The following ABL1 variants were observed in gnomAD, a reference collection of about 807,000 sequenced individuals.
The protein encoded by ABL1 is ABL proto-oncogene 1, non-receptor tyrosine kinase.
In ABL1, 11 loss-of-function variants were observed where a neutral mutation model predicts 94.7. The ratio of observed to expected loss-of-function variants is 0.12; its 90% CI spans 0.07 to 0.19. ABL1 has a LOEUF of 0.19. ABL1 is among the 10% of genes least tolerant of loss of function. The pLI is 1.00. For synonymous variants in ABL1, 656 were observed against 622.4 expected, an observed-to-expected ratio of 1.05 and a Z score of -0.80; for missense variants, 1,082 against 1,489.4, an observed-to-expected ratio of 0.73 and a Z score of 4.50.
At chr9:130,854,476 C>A (rs888113693) in intron 2 of ABL1, among the ~76,000 whole-genome samples, 6 of 152,094 alleles carry the variant, frequency 3.9e-5, no homozygotes, top group African/African-American at 1.4e-4. Flanking sequence ...GACAGCTGGA[C>A]AAAATACTGA....
At chr9:130,858,579 G>GT in intron 3 of ABL1, among the ~76,000 whole-genome samples, 1 of 152,280 alleles carries the variant, frequency 6.6e-6, no homozygotes, top group Non-Finnish European at 1.5e-5. Flanking sequence ...GGTGTATTGG[G>GT]TGGGATCGTA....
chr9:130,766,655 T>C (rs910319406), intron 1 of ABL1, among the ~76,000 whole-genome samples: 1 of 152,140 alleles, frequency 6.6e-6, no homozygotes, highest in African/African-American at 2.4e-5. Flanking sequence ...ACCCTCTAGC[T>C]TTCATCCTTG....
intron 1 of ABL1, among the ~76,000 whole-genome samples, chr9:130,730,167 C>T (rs544692905): frequency 6.6e-6 from 1 of 151,920 alleles, no homozygotes; most frequent in Non-Finnish European, 1.5e-5. Context: ...CCTCAGCCTC[C>T]CGAGTAGCTG....
chr9:130,763,252 G>A lies in ABL1; in HGVS notation c.136+48797G>A, dbSNP rs995794949. Among the ~76,000 whole-genome samples, 6 of 151,070 alleles carry A rather than the reference G, an allele frequency of 4.0e-5. No homozygotes were observed. In the South Asian group the frequency reaches 1.3e-3, roughly 31 times the overall value. ...TGACCCCATAATACATGTTAATTGT[G>A]GAAAAAAATTTAAATTTAGCAAAGT... On this transcript the variant is annotated intron_variant, in intron 1 of 10. Transcript: ENST00000372348.
chr9:130,724,825 A>T, intron 1 of ABL1: 2 of 483,774 alleles, frequency 4.1e-6, no homozygotes, highest in East Asian at 5.7e-5. Flanking sequence ...TTTTGGGTTT[A>T]GGTGTTGTTC....
chr9:130,814,629 G>A lies in ABL1; in HGVS notation c.137-39435G>A, dbSNP rs1014902050. 6.6e-5 allele frequency among the ~76,000 whole-genome samples: 10 copies of A among 152,252 alleles called. No individual in the cohort carries two copies. The highest frequency in any genetic ancestry group is 1.5e-5 in the Non-Finnish European group (1 of 68,042). Reference sequence around the variant, plus strand: ...GCAGTGGCTTACGCCTGTAATCCCAGCACTTTGGTAGGCCGAGGTGGGCGG... The same window carrying A: ...GCAGTGGCTTACGCCTGTAATCCCAACACTTTGGTAGGCCGAGGTGGGCGG... On this transcript the variant is annotated intron_variant, in intron 1 of 10. Transcript: ENST00000372348. The surrounding 1 kb of genome is among the most constrained non-coding windows in gnomAD (Gnocchi z 4.4).
Position 130,817,685 on chromosome 9 carries a change from T to A in ABL1, c.137-36379T>A, listed in dbSNP as rs368884376. ...TAAAAAATGGCCTTGCTGAGGAAAT[T>A]AAATTTATGTTCAAGTGCTTTTTCT... is the stretch of plus-strand genomic sequence containing the variant. On this transcript the variant is annotated intron_variant, in intron 1 of 10. Coordinates refer to the ABL1 transcript ENST00000372348. Among the ~76,000 whole-genome samples, 45 of 152,310 alleles carry A rather than the reference T, an allele frequency of 3.0e-4. 2 individuals carry two copies. Among genetic ancestry groups the A allele is most frequent in the African/African-American group, 1.1e-3 (44 of 41,576 alleles).
At chr9:130,800,220 G>C (rs1830037320) in intron 1 of ABL1, among the ~76,000 whole-genome samples, 1 of 151,750 alleles carries the variant, frequency 6.6e-6, no homozygotes, top group Non-Finnish European at 1.5e-5. Flanking sequence ...ATGTGGGCTG[G>C]GTGATTATTT....
intron 1 of ABL1, among the ~76,000 whole-genome samples, chr9:130,845,957 C>T (rs577015340): frequency 3.7e-4 from 56 of 152,224 alleles, no homozygotes; most frequent in South Asian, 3.5e-3. Context: ...CTCCAAGGAG[C>T]GGGGCTACTG....
At chr9:130,715,952 G>A (rs151260915) in intron 1 of ABL1, among the ~76,000 whole-genome samples, 1 of 151,884 alleles carries the variant, frequency 6.6e-6, no homozygotes, top group African/African-American at 2.4e-5. Context: ...CAGGGTTGTG[G>A]CACCTAACTA....
chr9:130,777,097 T>C (rs1829669291), intron 1 of ABL1, among the ~76,000 whole-genome samples: 1 of 152,248 alleles, frequency 6.6e-6, no homozygotes, highest in Non-Finnish European at 1.5e-5. Flanking sequence ...ATAATCTTTA[T>C]GGGTCTCTCT....
At chr9:130,760,196 T>A (rs1325490748) in intron 1 of ABL1, among the ~76,000 whole-genome samples, 1 of 152,096 alleles carries the variant, frequency 6.6e-6, no homozygotes, top group African/African-American at 2.4e-5. Flanking sequence ...AACTTTGCCA[T>A]TGCCTTGCCT....
At chr9:130,759,873 G>C (rs1379317114) in intron 1 of ABL1, among the ~76,000 whole-genome samples, 1 of 151,828 alleles carries the variant, frequency 6.6e-6, no homozygotes, top group Non-Finnish European at 1.5e-5. Context: ...GCTCACTGCA[G>C]CTCTAACCTC....
At chr9:130,834,810 C>G (rs990099237), upstream of ABL1, 1 of 449,936 alleles carries the variant, frequency 2.2e-6, no homozygotes, top group Admixed American at 2.4e-5. Context: ...TCACAGGACG[C>G]GCGTTGAGTA....
At chr9:130,759,803 T>G (rs1832087132) in intron 1 of ABL1, among the ~76,000 whole-genome samples, 1 of 151,984 alleles carries the variant, frequency 6.6e-6, no homozygotes, top group Admixed American at 6.6e-5. Context: ...CTTGTTTTGT[T>G]TTTTCCTGAA....
At chr9:130,796,436 G>A (rs1170134723) in intron 1 of ABL1, among the ~76,000 whole-genome samples, 1 of 152,092 alleles carries the variant, frequency 6.6e-6, no homozygotes, top group East Asian at 1.9e-4. Context: ...ACTTAAATCT[G>A]AGAGGTGGAG....
chr9:130,724,538 G>A (rs544731238), intron 1 of ABL1, among the ~76,000 whole-genome samples: 7 of 151,590 alleles, frequency 4.6e-5, no homozygotes, highest in South Asian at 4.2e-4. Context: ...GGCTGGGCTC[G>A]GTGGCTCATG....
At chr9:130,816,767 G>A (rs1830291803) in intron 1 of ABL1, among the ~76,000 whole-genome samples, 2 of 151,894 alleles carry the variant, frequency 1.3e-5, no homozygotes, top group Non-Finnish European at 2.9e-5. Context: ...AGAGTGGTGC[G>A]ATCTCAGCTC....
chr9:130,758,871 C>T (rs961317261), intron 1 of ABL1, among the ~76,000 whole-genome samples: 1 of 152,188 alleles, frequency 6.6e-6, no homozygotes, highest in African/African-American at 2.4e-5. Context: ...ATTTGCTGAG[C>T]ATACTTCTCA....
Sources: gnomAD v4.1 joint callset for allele counts (sites outside exome capture counted in the v4.1 genomes callset) on GRCh38, gnomAD v4.1.1 for gene constraint, Gnocchi (gnomAD v3.1) non-coding constraint, MANE v1.5 for transcripts, NCBI Gene and HGNC (gene_info 2026-07-23, HGNC 2026-07-21) for gene names.